Variants in STAC2 observed in about 807,000 individuals in gnomAD.
STAC2 encodes SH3 and cysteine rich domain 2.
A neutral mutation model predicts 49.0 loss-of-function variants in STAC2; 36 were observed. That is an observed-to-expected ratio of 0.74 (90% confidence interval 0.56 to 0.97). The LOEUF (loss-of-function observed/expected upper bound fraction) is 0.97. Ranked by LOEUF, STAC2 falls within the 50% of genes least tolerant of loss-of-function variation. STAC2 has a pLI of 0.00. For missense variants in STAC2, 527 were observed against 543.8 expected (o/e 0.97, Z 0.31); for synonymous variants, 239 against 214.7 (o/e 1.11, Z -0.99).
In STAC2 at chr17:39,225,865, C is replaced by G. The variant is rs1051130623; in HGVS notation, c.-363G>C. On this transcript the variant is annotated 5_prime_UTR_variant, in exon 1 of 11. Transcript: ENST00000333461. This position sits in a 1 kb window ranked among gnomAD's most constrained non-coding sequence, Gnocchi z 8.2. Reference sequence around the variant, plus strand: ...CCGGCTCCGCCGTCCGCTGCGCCCGCCCCCCATCCCCTCCCCTCCCCCGCC... The same window carrying G: ...CCGGCTCCGCCGTCCGCTGCGCCCGGCCCCCATCCCCTCCCCTCCCCCGCC... 2 of 249,510 alleles carry G rather than the reference C, an allele frequency of 8.0e-6. No homozygotes were observed. Among genetic ancestry groups the G allele is most frequent in the Non-Finnish European group, 7.8e-6 (1 of 128,448 alleles). The allele number at this position is 249,510 out of a possible 1,614,324, so 15.5% of individuals were successfully genotyped here.
rs762230782 is a variant in STAC2 at position 39,225,542 on chromosome 17, G to C, written c.-40C>G. Reference sequence around the variant, plus strand: ...GGAGGAGAGGGTGCCGAGATCCGACGGCAGGCCCACCGCGGGCAGGCTGCG... The same window carrying C: ...GGAGGAGAGGGTGCCGAGATCCGACCGCAGGCCCACCGCGGGCAGGCTGCG... On this transcript the variant is annotated 5_prime_UTR_variant, in exon 1 of 11. Transcript: ENST00000333461. The surrounding 1 kb of genome is among the most constrained non-coding windows in gnomAD (Gnocchi z 8.2). The C allele has an allele frequency of 4.4e-6, 7 of 1,590,368 alleles. No individual in the cohort carries two copies. In the African/African-American group the frequency reaches 8.1e-5, roughly 18 times the overall value.
rs1267848451 is a variant in STAC2 at position 39,214,450 on chromosome 17, C to A, written c.844-120G>T. 5 of 1,515,852 alleles carry A rather than the reference C, an allele frequency of 3.3e-6. No individual in the cohort carries two copies. The South Asian group carries it at 3.8e-5, about 12-fold the overall frequency. 93.9% of individuals were successfully genotyped at this position (1,515,852 alleles called of 1,614,324 possible). A position where few individuals can be genotyped will look rare whatever the true frequency, so the allele number is the denominator to read the frequency against. ...GGGGACACAGTGAGTCCTAGGTCAA[C>A]GGCAGGGAGAAGTGAGACCCTCGTA... is the stretch of plus-strand genomic sequence containing the variant. On this transcript the variant is annotated intron_variant, in intron 7 of 10. Coordinates refer to ENST00000333461, the MANE Select transcript of STAC2 (RefSeq NM_198993.5).
chr17:39,217,100 G>C lies in STAC2; in HGVS notation c.471C>G (p.Ser157=). The C allele has an allele frequency of 6.2e-7, 1 of 1,613,976 alleles. No homozygotes were observed. Among genetic ancestry groups the C allele is most frequent in the Non-Finnish European group, 8.5e-7 (1 of 1,179,940 alleles). The change falls in exon 3 of 11, where the codon TCC becomes TCG. Residue 157 remains serine, a synonymous_variant. Transcript: ENST00000333461. ...SVHLWCSEEI[S]HQQCPGKTST... ...CCGTCTTGCCTGGGCATTGCTGGTGGGAGATCTCCTCAGAGCACCAGAGGT... is the reference window on the plus strand; with the variant it reads ...CCGTCTTGCCTGGGCATTGCTGGTGCGAGATCTCCTCAGAGCACCAGAGGT...
At chr17:39,214,395 G>A (rs1161719433) in intron 7 of STAC2, 65 bp from the exon 8 acceptor site, 6 of 1,605,206 alleles carry the variant, frequency 3.7e-6, no homozygotes, top group Middle Eastern at 1.7e-4. Context: ...CTCTCCACTC[G>A]CTCTGAGTGT....
intron 2 of STAC2, among the ~76,000 whole-genome samples, chr17:39,217,457 C>T (rs182688169): frequency 6.6e-6 from 1 of 152,260 alleles, no homozygotes; most frequent in Non-Finnish European, 1.5e-5. Context: ...GGTGCAATGG[C>T]TCACATCTGT....
At chr17:39,213,437 G>T (rs1341364734) in intron 9 of STAC2, 70 bp downstream of exon 9, 1 of 1,580,008 alleles carries the variant, frequency 6.3e-7, no homozygotes, top group Non-Finnish European at 8.7e-7. Context: ...GGTGGGGGCA[G>T]TGCCCATTGG....
At chr17:39,218,763 A>AC (rs397713929) in intron 1 of STAC2, among the ~76,000 whole-genome samples, 2 of 151,622 alleles carry the variant, frequency 1.3e-5, no homozygotes, top group African/African-American at 4.9e-5. Context: ...AAAAAAAAAA[A>AC]TAGGCACGGT....
rs78588085 is a variant in STAC2 at position 39,214,069 on chromosome 17, G to A, written c.941+164C>T. Among the ~76,000 whole-genome samples the A allele has an allele frequency of 5.5e-3, 844 of 152,146 alleles. 5 individuals carry two copies. In the Middle Eastern group the frequency reaches 0.061, roughly 11 times the overall value. ...AGCCCAGTCAGAGGGCGGGAGACAC[G>A]ACATTAGCATGAGTCACTCTTAGAC... is the stretch of plus-strand genomic sequence containing the variant. On this transcript the variant is annotated intron_variant, in intron 8 of 10. Transcript: ENST00000333461.
intron 1 of STAC2, among the ~76,000 whole-genome samples, chr17:39,224,600 C>T (rs2046493214): frequency 6.6e-6 from 1 of 152,216 alleles, no homozygotes; most frequent in African/African-American, 2.4e-5. Flanking sequence ...CATGGTGACT[C>T]CCTCAGGAGT....
chr17:39,213,234 T>C, intron 9 of STAC2, 102 bp from the exon 10 acceptor site: 3 of 1,544,222 alleles, frequency 1.9e-6, no homozygotes, highest in South Asian at 1.2e-5. Context: ...AATGCCATCA[T>C]CCTCCAGATC....
chr17:39,214,804 C>T lies in STAC2; in HGVS notation c.830G>A (p.Ser277Asn), dbSNP rs34344310. The T allele has an allele frequency of 3.1e-6, 5 of 1,614,060 alleles. No homozygotes were observed. In the African/African-American group the frequency reaches 5.3e-5, roughly 17 times the overall value. ...ESEGPGPEEK[S>N]PGQQLPKATL... ...GTACAGGCTCACCTGCTGTCCAGGA[C>T]TCTTCTCCTCTGGTCCTGGCCCTTC... The change falls in exon 7 of 11, where the codon AGT (serine) becomes AAT (asparagine). Residue 277 changes from serine (S) to asparagine (N), a missense_variant. Coordinates refer to ENST00000333461, the MANE Select transcript of STAC2 (RefSeq NM_198993.5).
chr17:39,219,883 G>T (rs4795354), intron 1 of STAC2, among the ~76,000 whole-genome samples: 1 of 152,194 alleles, frequency 6.6e-6, no homozygotes, highest in South Asian at 2.1e-4. Flanking sequence ...GACTTGGCCA[G>T]GGTTCCCAGC....
chr17:39,219,686 G>A (rs2046442676), intron 1 of STAC2, among the ~76,000 whole-genome samples: 1 of 152,230 alleles, frequency 6.6e-6, no homozygotes, highest in Admixed American at 6.5e-5. Context: ...CGATTCTGCG[G>A]TGAGGCCAGA....
chr17:39,216,810 C>T lies in STAC2; in HGVS notation c.586G>A (p.Gly196Arg), dbSNP rs893076338. The change falls in exon 4 of 11, where the codon GGG becomes AGG. Residue 196 changes from glycine (G) to arginine (R), a missense_variant and splice_region_variant. Transcript: ENST00000333461. The stretch of plus-strand genomic sequence containing the variant: ...GACTGCGGCCAGGGGGGGCACTCAC[C>T]AGTGGGTGGGGACTCTTTGCTTGTG... The part of the protein sequence containing the change: ...CATSKESPPT[G>R]DSGKVDPVYE... 5 of 1,586,514 alleles carry T rather than the reference C, an allele frequency of 3.2e-6. No individual in the cohort carries two copies. Among genetic ancestry groups the T allele is most frequent in the Non-Finnish European group, 4.3e-6 (5 of 1,166,722 alleles).
chr17:39,218,583 C>T (rs143523902), intron 1 of STAC2, among the ~76,000 whole-genome samples: 1 of 152,210 alleles, frequency 6.6e-6, no homozygotes, highest in African/African-American at 2.4e-5. Flanking sequence ...TGGTTTAATT[C>T]CATTTTTCTT....
rs1192341788 is a variant in STAC2 at position 39,212,181 on chromosome 17, G to A, written c.*111C>T. ...GCCACGGTAAGTGGCACCTAGGAGAGGGACAGAGGGAGGAAGGGTATGGAG... is the reference window on the plus strand; with the variant it reads ...GCCACGGTAAGTGGCACCTAGGAGAAGGACAGAGGGAGGAAGGGTATGGAG... On this transcript the variant is annotated 3_prime_UTR_variant, in exon 11 of 11. Transcript: ENST00000333461. 1.4e-6 allele frequency: 1 copy of A among 718,440 alleles called. No homozygotes were observed. Among genetic ancestry groups the A allele is most frequent in the Non-Finnish European group, 2.3e-6 (1 of 431,120 alleles). The allele number at this position is 718,440 out of a possible 1,614,324, so 44.5% of individuals were successfully genotyped here. A position where few individuals can be genotyped will look rare whatever the true frequency, so the allele number is the denominator to read the frequency against.
At chr17:39,217,032 C>A (rs766791327) in intron 3 of STAC2, 44 bp downstream of exon 3, 2 of 1,608,812 alleles carry the variant, frequency 1.2e-6, no homozygotes, top group Non-Finnish European at 1.7e-6. Context: ...TGTGACAGTA[C>A]TGGCAGCACT....
At position 39,221,421 on chromosome 17, in the gene STAC2, A is replaced by G. The variant is rs957890435; in HGVS notation, c.91-3248T>C. 3.3e-5 allele frequency among the ~76,000 whole-genome samples: 5 copies of G among 152,186 alleles called. No individual in the cohort carries two copies. In the East Asian group the frequency reaches 9.6e-4, roughly 29 times the overall value. ...GCCAAGACTGGACACTCTCTAACCA[A>G]TAAAAGGCTCTAGGTCCAAATATCC... On this transcript the variant is annotated intron_variant, in intron 1 of 10. Coordinates refer to ENST00000333461, the MANE Select transcript of STAC2 (RefSeq NM_198993.5).
At position 39,216,851 on chromosome 17, in the gene STAC2, G is replaced by A. The variant is rs750823680; in HGVS notation, c.545C>T (p.Pro182Leu). The A allele has an allele frequency of 4.4e-6, 7 of 1,603,592 alleles. No individual in the cohort carries two copies. The highest frequency in any genetic ancestry group is 2.2e-5 in the South Asian group (2 of 88,938). The change falls in exon 4 of 11, where the codon CCG (proline) becomes CTG (leucine). Residue 182 changes from proline to leucine, a missense_variant. Pro to Leu is a moderately conservative substitution (Grantham distance 98). Transcript: ENST00000333461. The part of the protein sequence containing the change: ...NFSSPLLVHE[P>L]PPVCATSKES... ...TTTGCTTGTGGCACAGACTGGTGGC[G>A]GCTCATGCACCAGGAGAGGGGAACT...
Sources: allele counts gnomAD v4.1 joint callset (sites outside exome capture counted in the v4.1 genomes callset), GRCh38; gene constraint gnomAD v4.1.1; non-coding constraint Gnocchi (gnomAD v3.1); transcripts MANE v1.5; gene names NCBI Gene and HGNC (gene_info 2026-07-23, HGNC 2026-07-21).